MYO1G: variants seen among roughly 807,000 people sequenced by gnomAD.
MYO1G encodes the protein myosin IG.
MYO1G carries 65 observed loss-of-function variants against 115.3 expected under a neutral mutation model. The ratio of observed to expected loss-of-function variants is 0.56; its 90% CI spans 0.46 to 0.69. The LOEUF (loss-of-function observed/expected upper bound fraction) is 0.69, where lower values mean the gene tolerates loss of function less well. Among genes scored for constraint, MYO1G ranks in the 30% least tolerant of loss-of-function variants. The pLI is 0.00. For synonymous variants in MYO1G, 510 were observed against 552.6 expected, an observed-to-expected ratio of 0.92 and a Z score of 1.08; for missense variants, 1,204 against 1,393.5, an observed-to-expected ratio of 0.86 and a Z score of 2.16.
At chr7:44,972,269 G>T in intron 5 of MYO1G, 44 bp from the exon 6 acceptor site, 1 of 1,403,392 alleles carries the variant, frequency 7.1e-7, no homozygotes, top group African/African-American at 1.4e-5. Flanking sequence ...CTCCCAGGAT[G>T]TCCCCCTGTA....
chr7:44,969,636 G>A lies in MYO1G; in HGVS notation c.1503+69C>T. On this transcript the variant is annotated intron_variant, in intron 11 of 21. Transcript: ENST00000258787. The surrounding 1 kb of genome is among the most constrained non-coding windows in gnomAD (Gnocchi z 5.0). ...TCCCCAACCAGGCCCCACGAGGCAT[G>A]GGCAGCATGGTGCCTGTGGGGCAGG... is the stretch of plus-strand genomic sequence containing the variant. 1 of 1,589,608 alleles carries A rather than the reference G, an allele frequency of 6.3e-7. No homozygotes were observed.
chr7:44,978,748 G>A, intron 1 of MYO1G, 119 bp downstream of exon 1: 1 of 909,022 alleles, frequency 1.1e-6, no homozygotes, highest in Non-Finnish European at 1.7e-6. Context: ...GGGTGGGTGT[G>A]TGCCACTGCC....
At chr7:44,972,308 CTT>C (rs1303431997) in intron 5 of MYO1G, 83 bp from the exon 6 acceptor site, 2 of 1,004,316 alleles carry the variant, frequency 2.0e-6, no homozygotes, top group African/African-American at 3.2e-5. Flanking sequence ...AACAAACAGA[CTT>C]GCGCTTCCTT....
Position 44,972,226 on chromosome 7 carries a change from C to T in MYO1G, c.619-1G>A, listed in dbSNP as rs71548253. On this transcript the variant is annotated splice_acceptor_variant, in intron 5 of 21. Coordinates refer to ENST00000258787, the MANE Select transcript of MYO1G (RefSeq NM_033054.3). LOFTEE classifies it high-confidence loss of function. The stretch of plus-strand genomic sequence containing the variant: ...GCTTGTCCTCACTGCCTCTCAGCAA[C>T]TAGAGGACACAGGCATCCTTTAGAC... The T allele has an allele frequency of 9.3e-6, 15 of 1,611,278 alleles. No homozygotes were observed. The highest frequency in any genetic ancestry group is 1.3e-5 in the Non-Finnish European group (15 of 1,177,510).
chr7:44,962,707 T>C lies in MYO1G; in HGVS notation c.*32A>G. 6.9e-7 allele frequency: 1 copy of C among 1,453,764 alleles called. No homozygotes were observed. The highest frequency in any genetic ancestry group is 9.0e-7 in the Non-Finnish European group (1 of 1,112,508). The allele number at this position is 1,453,764 out of a possible 1,614,324, so 90.1% of individuals were successfully genotyped here. On this transcript the variant is annotated 3_prime_UTR_variant, in exon 22 of 22. Coordinates refer to ENST00000258787, the MANE Select transcript of MYO1G (RefSeq NM_033054.3). The surrounding 1 kb of genome is among the most constrained non-coding windows in gnomAD (Gnocchi z 5.3). ...TTGCAGCGCTGGCGGGGCGGACAAT[T>C]GGCGGCCTCGGGGTGCGGCGGGTGC...
chr7:44,964,050 G>A lies in MYO1G; in HGVS notation c.2744C>T (p.Ala915Val), dbSNP rs368999334. The A allele has an allele frequency of 2.8e-5, 45 of 1,582,904 alleles. No homozygotes were observed. The highest frequency in any genetic ancestry group is 2.0e-4 in the South Asian group (17 of 86,720). The change falls in exon 20 of 22, where the codon GCG (alanine) becomes GTG (valine). Residue 915 changes from alanine (A) to valine (V), a missense_variant and splice_region_variant. By Grantham distance (64) the Ala-to-Val change is moderately conservative. Transcript: ENST00000258787. This position sits in a 1 kb window ranked among gnomAD's most constrained non-coding sequence, Gnocchi z 5.1. ...YRVMRAVPLEAVTGLSVTSGG... is the reference protein window; with the variant it reads ...YRVMRAVPLEVVTGLSVTSGG... ...CTACTCCCCACCCACATTGCTCACC[G>A]CCTCAAGGGGCACGGCCCGCATCAC...
chr7:44,967,803 C>A, intron 13 of MYO1G, 66 bp from the exon 14 acceptor site: 1 of 1,611,862 alleles, frequency 6.2e-7, no homozygotes, highest in Admixed American at 1.7e-5. Flanking sequence ...CACGTCCTGA[C>A]GCTAGTCAAT....
rs998877257 is a variant in MYO1G at position 44,965,584 on chromosome 7, G to C, written c.2381+53C>G. The stretch of plus-strand genomic sequence containing the variant: ...CTGCAGGCCCGGGATGATGGGTTAA[G>C]GTATTCAGTGGATGCCAGCTGAATG... On this transcript the variant is annotated intron_variant, in intron 17 of 21. Coordinates refer to ENST00000258787, the MANE Select transcript of MYO1G (RefSeq NM_033054.3). 111 of 1,534,170 alleles carry C rather than the reference G, an allele frequency of 7.2e-5. 1 individual carries two copies. Among genetic ancestry groups the C allele is most frequent in the Non-Finnish European group, 9.0e-6 (10 of 1,110,104 alleles).
At chr7:44,970,795 G>C (rs751719283) in intron 8 of MYO1G, 40 bp downstream of exon 8, 3 of 1,613,160 alleles carry the variant, frequency 1.9e-6, no homozygotes. Context: ...CCCCATGAAG[G>C]CCTCCTGGGC....
intron 5 of MYO1G, 132 bp from the exon 6 acceptor site, chr7:44,972,357 C>T: frequency 4.5e-6 from 3 of 671,354 alleles, no homozygotes; most frequent in Non-Finnish European, 8.0e-6. Context: ...GAAGGTCAGA[C>T]AGTGTGAACA....
Position 44,964,198 on chromosome 7 carries a change from C to G in MYO1G, c.2632-36G>C. ...GGTGGCTGGACCCAGGCTGGTGCTG[C>G]CCTGTCACCCACCAGGGCCCCAGGC... On this transcript the variant is annotated intron_variant, in intron 19 of 21. Transcript: ENST00000258787. This position sits in a 1 kb window ranked among gnomAD's most constrained non-coding sequence, Gnocchi z 5.1. 1 of 1,539,930 alleles carries G rather than the reference C, an allele frequency of 6.5e-7. No homozygotes were observed. The highest frequency in any genetic ancestry group is 1.2e-5 in the South Asian group (1 of 85,250).
In MYO1G at chr7:44,976,879, G is replaced by A. The variant is rs765864682; in HGVS notation, c.288C>T (p.Thr96=). 3 of 1,613,294 alleles carry A rather than the reference G, an allele frequency of 1.9e-6. No individual in the cohort carries two copies. Among genetic ancestry groups the A allele is most frequent in the Non-Finnish European group, 1.7e-6 (2 of 1,180,030 alleles). Residue 96 remains threonine (T), a synonymous_variant, in exon 2 of 22, where the codon ACC becomes ACT. Transcript: ENST00000258787. Reference sequence around the variant, plus strand: ...GACAGGTACCTGAGATGACGATGCAGGTGTCCCTGGACCGGTGCTTCATTG... The same window carrying A: ...GACAGGTACCTGAGATGACGATGCAAGTGTCCCTGGACCGGTGCTTCATTG... ...YKAMKHRSRD[T]CIVISGESGA... is the part of the protein sequence containing the mutation.
Position 44,966,722 on chromosome 7 carries a change from G to A in MYO1G, c.1899C>T (p.Val633=). The change falls in exon 15 of 22, where the codon GTC becomes GTT. Residue 633 remains valine, a synonymous_variant. Transcript: ENST00000258787. The surrounding 1 kb of genome is among the most constrained non-coding windows in gnomAD (Gnocchi z 5.0). ...AYLGLLENVR[V]RRAGFASRQP... ...GGCGGGAAGCGAAGCCAGCCCTGCG[G>A]ACCCTCACATTCTCCAGCAGCCCCA... 1.2e-6 allele frequency: 2 copies of A among 1,613,296 alleles called. No homozygotes were observed. Among genetic ancestry groups the A allele is most frequent in the Non-Finnish European group, 1.7e-6 (2 of 1,180,012 alleles).
intron 12 of MYO1G, chr7:44,968,683 T>G (rs867393682): frequency 2.0e-5 from 3 of 152,260 alleles, no homozygotes; most frequent in African/African-American, 7.2e-5. Flanking sequence ...TTTTATATTT[T>G]TAGTACAGAT....
chr7:44,976,545 G>A lies in MYO1G; in HGVS notation c.398+19C>T, dbSNP rs368869701. 1 of 1,612,328 alleles carries A rather than the reference G, an allele frequency of 6.2e-7. No homozygotes were observed. Among genetic ancestry groups the A allele is most frequent in the Non-Finnish European group, 8.5e-7 (1 of 1,178,398 alleles). Reference sequence around the variant, plus strand: ...CTGGCCTGCCATGCTGAGGCCCAGAGCTGCCCATTGCCACTCACCTCTCCA... The same window carrying A: ...CTGGCCTGCCATGCTGAGGCCCAGAACTGCCCATTGCCACTCACCTCTCCA... On this transcript the variant is annotated intron_variant, in intron 3 of 21. Coordinates refer to ENST00000258787, the MANE Select transcript of MYO1G (RefSeq NM_033054.3).
chr7:44,970,813 C>T, intron 8 of MYO1G, 22 bp downstream of exon 8: 1 of 1,613,608 alleles, frequency 6.2e-7, no homozygotes, highest in Non-Finnish European at 8.5e-7. Context: ...GGCTTCCCTC[C>T]CTGTGCCTGC....
Position 44,975,154 on chromosome 7 carries a change from C to T in MYO1G, c.618+20G>A, listed in dbSNP as rs1033280208. ...TTTCCCCACCCCATTTTTCCACCTC[C>T]CCTTGCCCTCAGGGCTTACTTGGTA... On this transcript the variant is annotated intron_variant, in intron 5 of 21. Transcript: ENST00000258787. 1 of 1,613,750 alleles carries T rather than the reference C, an allele frequency of 6.2e-7. No individual in the cohort carries two copies. The highest frequency in any genetic ancestry group is 1.1e-5 in the South Asian group (1 of 91,082).
In MYO1G at chr7:44,962,943, G is replaced by T; in HGVS notation, c.2900+27C>A. On this transcript the variant is annotated intron_variant, in intron 21 of 21. Coordinates refer to ENST00000258787, the MANE Select transcript of MYO1G (RefSeq NM_033054.3). The surrounding 1 kb of genome is among the most constrained non-coding windows in gnomAD (Gnocchi z 5.3). Reference sequence around the variant, plus strand: ...GGCGGCCACGCGGCCGGGGCTTCGTGCCCGCTACCGCCCAGCCTGCACTCA... The same window carrying T: ...GGCGGCCACGCGGCCGGGGCTTCGTTCCCGCTACCGCCCAGCCTGCACTCA... 1 of 1,508,820 alleles carries T rather than the reference G, an allele frequency of 6.6e-7. No individual in the cohort carries two copies. The highest frequency in any genetic ancestry group is 8.8e-7 in the Non-Finnish European group (1 of 1,132,170). 93.5% of individuals were successfully genotyped at this position (1,508,820 alleles called of 1,614,324 possible).
intron 1 of MYO1G, 115 bp from the exon 2 acceptor site, chr7:44,977,186 G>C: frequency 1.1e-6 from 1 of 939,610 alleles, no homozygotes; most frequent in Admixed American, 2.7e-5. Flanking sequence ...CACCCTGACG[G>C]GCTGAGAGTG....
Sources: gnomAD v4.1 joint callset for allele counts on GRCh38, gnomAD v4.1.1 for gene constraint, Gnocchi (gnomAD v3.1) non-coding constraint, MANE v1.5 for transcripts, NCBI Gene and HGNC (gene_info 2026-07-23, HGNC 2026-07-21) for gene names.